CDK8: variants seen among roughly 807,000 people sequenced by gnomAD.
CDK8 encodes the protein cyclin dependent kinase 8.
CDK8 carries 29 observed loss-of-function variants against 71.5 expected under a neutral mutation model. The ratio of observed to expected loss-of-function variants is 0.41; its 90% CI spans 0.30 to 0.55. CDK8 has a LOEUF of 0.55. CDK8 is among the 20% of genes least tolerant of loss of function. The pLI is 0.37. For missense variants in CDK8, 288 were observed against 572.6 expected (o/e 0.50, Z 5.07); for synonymous variants, 161 against 192.1 (o/e 0.84, Z 1.34).
chr13:26,346,310 G>C (rs1873459050), intron 2 of CDK8, among the ~76,000 whole-genome samples: 1 of 152,206 alleles, frequency 6.6e-6, no homozygotes, highest in African/African-American at 2.4e-5. Context: ...TGTTGCTGCA[G>C]TGTTTTTGAA....
rs117725388 is a variant in CDK8 at position 26,355,711 on chromosome 13, G to A, written c.456+1831G>A. 6.8e-3 allele frequency among the ~76,000 whole-genome samples: 1,037 copies of A among 152,274 alleles called. 9 individuals carry two copies. The highest frequency in any genetic ancestry group is 0.024 in the Middle Eastern group (7 of 294). On this transcript the variant is annotated intron_variant, in intron 4 of 12. Coordinates refer to ENST00000381527, the MANE Select transcript of CDK8 (RefSeq NM_001260.3). ...CTCAAAATAAATTTTGGCCATTGGG[G>A]TGGAGTCAAGTTAGGGAAAAACATT...
rs992191577 is a variant in CDK8 at position 26,258,797 on chromosome 13, A to G, written c.128+4028A>G. Among the ~76,000 whole-genome samples the G allele has an allele frequency of 2.0e-5, 3 of 152,292 alleles. No individual in the cohort carries two copies. In the South Asian group the frequency reaches 6.2e-4, roughly 32 times the overall value. On this transcript the variant is annotated intron_variant, in intron 1 of 12. Coordinates refer to ENST00000381527, the MANE Select transcript of CDK8 (RefSeq NM_001260.3). ...CAACCACTAAAAAATTTTACTTTAG[A>G]TGATGGTGCATTTCCATATTTTTTA...
At chr13:26,381,356 T>C (rs1324387707) in intron 4 of CDK8, among the ~76,000 whole-genome samples, 1 of 152,162 alleles carries the variant, frequency 6.6e-6, no homozygotes, top group African/African-American at 2.4e-5. Flanking sequence ...CCAGTCTTGA[T>C]TGATTACCGT....
At chr13:26,385,389 A>G (rs755886278) in intron 6 of CDK8, 47 bp downstream of exon 6, 1 of 1,457,638 alleles carries the variant, frequency 6.9e-7, no homozygotes, top group Non-Finnish European at 9.4e-7. Context: ...AAGTTTCTTT[A>G]AAAGACACAC....
At chr13:26,260,715 A>T (rs758170589) in intron 1 of CDK8, among the ~76,000 whole-genome samples, 1 of 152,234 alleles carries the variant, frequency 6.6e-6, no homozygotes, top group Admixed American at 6.5e-5. Context: ...TATAATTATT[A>T]TAGGCCATTT....
intron 4 of CDK8, among the ~76,000 whole-genome samples, chr13:26,364,699 C>T (rs939893529): frequency 6.6e-6 from 1 of 152,158 alleles, no homozygotes; most frequent in Non-Finnish European, 1.5e-5. Context: ...TTAAAGCTCA[C>T]ATGTAATGTT....
At chr13:26,356,433 A>G (rs1873901281) in intron 4 of CDK8, among the ~76,000 whole-genome samples, 1 of 152,062 alleles carries the variant, frequency 6.6e-6, no homozygotes, top group African/African-American at 2.4e-5. Flanking sequence ...TCTGTGCATG[A>G]CTTAGTGTTC....
At chr13:26,263,534 T>C (rs1284518200) in intron 1 of CDK8, among the ~76,000 whole-genome samples, 3 of 151,536 alleles carry the variant, frequency 2.0e-5, no homozygotes, top group Admixed American at 2.0e-4. Flanking sequence ...CTCCGCCTCC[T>C]TGGTTCAAGA....
intron 1 of CDK8, among the ~76,000 whole-genome samples, chr13:26,283,479 G>A (rs560948401): frequency 1.1e-4 from 17 of 152,150 alleles, no homozygotes; most frequent in African/African-American, 3.6e-4. Flanking sequence ...GTGGTGGCAC[G>A]TGCCTGTAGT....
intron 9 of CDK8, among the ~76,000 whole-genome samples, chr13:26,399,443 ACT>A (rs1876154309): frequency 2.0e-5 from 3 of 152,036 alleles, no homozygotes; most frequent in South Asian, 4.1e-4. Context: ...CCAATCAGAA[ACT>A]CTGTGAGGAG....
chr13:26,342,878 CTAGAAGCCT>C, intron 2 of CDK8, among the ~76,000 whole-genome samples: 1 of 152,198 alleles, frequency 6.6e-6, no homozygotes. Context: ...GTTGTGGAGG[CTAGAAGCCT>C]TATAGCAAGA....
rs747494868 is a variant in CDK8, at chr13:26,393,514, C to G, written c.790+4C>G. The G allele has an allele frequency of 6.2e-7, 1 of 1,612,068 alleles. No individual in the cohort carries two copies. The highest frequency in any genetic ancestry group is 2.2e-5 in the East Asian group (1 of 44,752). On this transcript the variant is annotated splice_donor_region_variant and intron_variant, in intron 7 of 12. Coordinates refer to ENST00000381527, the MANE Select transcript of CDK8 (RefSeq NM_001260.3). The stretch of plus-strand genomic sequence containing the variant: ...AATGTAATGGGATTTCCTGCAGGTA[C>G]ACATTATTCGTTTTTGTTTTTGTTT...
chr13:26,383,887 C>T lies in CDK8; in HGVS notation c.514+1016C>T, dbSNP rs147923419. Among the ~76,000 whole-genome samples, 1,046 of 152,276 alleles carry T rather than the reference C, an allele frequency of 6.9e-3. 8 individuals carry two copies. The highest frequency in any genetic ancestry group is 0.027 in the Middle Eastern group (8 of 294). The stretch of plus-strand genomic sequence containing the variant: ...GCTTTCCTTGAGAAGCAGAACCTGT[C>T]GGCACTCACCCTAGTGCCTTCCAAA... On this transcript the variant is annotated intron_variant, in intron 5 of 12. Coordinates refer to ENST00000381527, the MANE Select transcript of CDK8 (RefSeq NM_001260.3).
intron 8 of CDK8, 95 bp from the exon 9 acceptor site, chr13:26,397,058 G>T (rs9943877): frequency 4.2e-6 from 3 of 712,484 alleles, no homozygotes; most frequent in South Asian, 1.6e-5. Flanking sequence ...ATTTTATATC[G>T]GTTATGATCA....
At chr13:26,373,740 A>T (rs1173531505) in intron 4 of CDK8, among the ~76,000 whole-genome samples, 1 of 152,196 alleles carries the variant, frequency 6.6e-6, no homozygotes, top group Non-Finnish European at 1.5e-5. Context: ...CAACAAAAAA[A>T]TTTATCAAAA....
At chr13:26,337,286 AT>A (rs913215605) in intron 1 of CDK8, among the ~76,000 whole-genome samples, 1 of 152,194 alleles carries the variant, frequency 6.6e-6, no homozygotes, top group Non-Finnish European at 1.5e-5. Context: ...GAAGGAATCT[AT>A]TACTGGAAGT....
chr13:26,300,867 A>G (rs1039810423), intron 1 of CDK8, among the ~76,000 whole-genome samples: 3 of 152,216 alleles, frequency 2.0e-5, no homozygotes, highest in Non-Finnish European at 2.9e-5. Context: ...TGTAGCTTCA[A>G]GAAATGGTAA....
At chr13:26,275,633 AC>A (rs1204899562) in intron 1 of CDK8, among the ~76,000 whole-genome samples, 6 of 152,186 alleles carry the variant, frequency 3.9e-5, no homozygotes, top group African/African-American at 1.4e-4. Flanking sequence ...ATATTTTTTA[AC>A]TATTACAGAA....
intron 1 of CDK8, among the ~76,000 whole-genome samples, chr13:26,275,140 G>A (rs987344186): frequency 6.6e-6 from 1 of 151,998 alleles, no homozygotes; most frequent in Non-Finnish European, 1.5e-5. Flanking sequence ...CCATTGATCT[G>A]TCTATTCCTG....
Sources: gnomAD v4.1 joint callset for allele counts (sites outside exome capture counted in the v4.1 genomes callset) on GRCh38, gnomAD v4.1.1 for gene constraint, MANE v1.5 for transcripts, NCBI Gene and HGNC (gene_info 2026-07-23, HGNC 2026-07-21) for gene names.